Variants in NUDT3 observed in about 807,000 individuals in gnomAD.
The protein encoded by NUDT3 is diphosphoinositol polyphosphate phosphohydrolase 1.
Under a neutral mutation model 23.6 loss-of-function variants are expected in NUDT3, and 9 were observed. The ratio of observed to expected loss-of-function variants is 0.38; its 90% CI spans 0.23 to 0.66. The LOEUF (loss-of-function observed/expected upper bound fraction) is 0.66. Among genes scored for constraint, NUDT3 ranks in the 30% least tolerant of loss-of-function variants. NUDT3 has a pLI of 0.52. For missense variants in NUDT3, 172 were observed against 218.5 expected, an observed-to-expected ratio of 0.79 and a Z score of 1.34; for synonymous variants, 86 against 82.6, an observed-to-expected ratio of 1.04 and a Z score of -0.22.
chr6:34,357,201 G>A (rs968459915), intron 1 of NUDT3, among the ~76,000 whole-genome samples: 4 of 152,148 alleles, frequency 2.6e-5, no homozygotes, highest in Non-Finnish European at 4.4e-5. Flanking sequence ...GAGTGATTAC[G>A]AATATACATC....
chr6:34,358,859 C>A (rs1370610801), intron 1 of NUDT3, among the ~76,000 whole-genome samples: 1 of 152,108 alleles, frequency 6.6e-6, no homozygotes, highest in African/African-American at 2.4e-5. Context: ...AGGAATAATA[C>A]AGTAACTATA....
At chr6:34,302,715 G>C (rs1003286301) in intron 2 of NUDT3, among the ~76,000 whole-genome samples, 1 of 152,206 alleles carries the variant, frequency 6.6e-6, no homozygotes, top group African/African-American at 2.4e-5. Flanking sequence ...CTGGGTGACA[G>C]AGCGAGAGAC....
chr6:34,308,154 A>C, intron 2 of NUDT3, among the ~76,000 whole-genome samples: 1 of 92,542 alleles, frequency 1.1e-5, no homozygotes, highest in African/African-American at 3.7e-5. Context: ...AAAAAAAAAA[A>C]AAAAAAAAAA....
intron 1 of NUDT3, among the ~76,000 whole-genome samples, chr6:34,347,758 A>G (rs1352144424): frequency 6.6e-6 from 1 of 152,148 alleles, no homozygotes. Flanking sequence ...GGAACTGAGT[A>G]TCTAGTGAAA....
chr6:34,376,311 A>G (rs59680902), intron 1 of NUDT3, among the ~76,000 whole-genome samples: 1,767 of 152,018 alleles, frequency 0.012, 46 homozygotes, highest in African/African-American at 0.041. Flanking sequence ...CAGTGGCACT[A>G]TCATGCCACT....
In NUDT3 at chr6:34,289,069, TC is replaced by T. The variant is rs1398830021; in HGVS notation, c.341-139del. 6.6e-6 allele frequency: 7 copies of T among 1,067,996 alleles called. No homozygotes were observed. The East Asian group carries it at 1.7e-4, about 26-fold the overall frequency. The allele number at this position is 1,067,996 out of a possible 1,614,324, so 66.2% of individuals were successfully genotyped here. On this transcript the variant is annotated intron_variant, in intron 4 of 4. Transcript: ENST00000607016. ...CTTACAAAAATAACTCAAGCACACT[TC>T]ATATGCTTCAAATATTATATCAATG...
chr6:34,330,181 G>C (rs1764106763), intron 2 of NUDT3, among the ~76,000 whole-genome samples: 1 of 152,194 alleles, frequency 6.6e-6, no homozygotes, highest in African/African-American at 2.4e-5. Context: ...GGGATGGCTG[G>C]ATCAAATGGT....
rs750749654 is a variant in NUDT3, at chr6:34,288,767, A to T, written c.505T>A (p.Ser169Thr). 6.2e-7 allele frequency: 1 copy of T among 1,610,098 alleles called. No individual in the cohort carries two copies. Among genetic ancestry groups the T allele is most frequent in the Non-Finnish European group, 8.5e-7 (1 of 1,178,880 alleles). ...TYSVSAQSSM[S>T]GIR ...GAAGTCTTCAGTCATCTGATGCCTG[A>T]CATCGAGCTCTGAGCAGAAACCGAG... Residue 169 changes from serine (S) to threonine (T), a missense_variant, in exon 5 of 5, where the codon TCA (serine) becomes ACA (threonine). Ser to Thr is a moderately conservative substitution (Grantham distance 58). This residue lies in a region of NUDT3 where 63 missense variants were observed against 64.9 expected (regional missense o/e 0.97). Transcript: ENST00000607016.
chr6:34,366,051 T>A (rs559689554), intron 1 of NUDT3, among the ~76,000 whole-genome samples: 58 of 150,388 alleles, frequency 3.9e-4, no homozygotes, highest in East Asian at 2.6e-3. Flanking sequence ...AAAAAATATA[T>A]ATAAATAAAT....
At chr6:34,363,995 T>C (rs1435024808) in intron 1 of NUDT3, among the ~76,000 whole-genome samples, 1 of 151,706 alleles carries the variant, frequency 6.6e-6, no homozygotes, top group African/African-American at 2.4e-5. Flanking sequence ...CAACGTCTGT[T>C]TCTCCTCTAT....
intron 2 of NUDT3, among the ~76,000 whole-genome samples, chr6:34,305,476 T>C (rs1314526603): frequency 6.6e-6 from 1 of 152,240 alleles, no homozygotes; most frequent in Admixed American, 6.5e-5. Flanking sequence ...CAGAAGTTTA[T>C]CTATTTTATT....
At position 34,361,050 on chromosome 6, in the gene NUDT3, C is replaced by T. The variant is rs561937775; in HGVS notation, c.100-19078G>A. 6.4e-4 allele frequency among the ~76,000 whole-genome samples: 98 copies of T among 152,104 alleles called. 2 individuals carry two copies. Among genetic ancestry groups the T allele is most frequent in the Admixed American group, 5.2e-4 (8 of 15,262 alleles). ...TCACTCTGGGCAACATAGCAAGACCCCATTTCTATAAAAAATTTTAAAAAT... is the reference window on the plus strand; with the variant it reads ...TCACTCTGGGCAACATAGCAAGACCTCATTTCTATAAAAAATTTTAAAAAT... On this transcript the variant is annotated intron_variant, in intron 1 of 4. Coordinates refer to ENST00000607016, the MANE Select transcript of NUDT3 (RefSeq NM_006703.4).
chr6:34,322,391 A>G (rs1336624306), intron 2 of NUDT3, among the ~76,000 whole-genome samples: 2 of 152,076 alleles, frequency 1.3e-5, no homozygotes, highest in African/African-American at 2.4e-5. Flanking sequence ...CACCACGCAC[A>G]GCTAATTTTT....
intron 2 of NUDT3, among the ~76,000 whole-genome samples, chr6:34,298,780 T>C (rs560428137): frequency 6.6e-6 from 1 of 152,332 alleles, no homozygotes; most frequent in African/African-American, 2.4e-5. Context: ...AGCCTTTCTT[T>C]CATAATATTT....
chr6:34,391,430 C>G (rs2113775896), intron 1 of NUDT3, among the ~76,000 whole-genome samples: 1 of 152,278 alleles, frequency 6.6e-6, no homozygotes, highest in African/African-American at 2.4e-5. Context: ...TTCATCACCA[C>G]AGAAACGGCT....
chr6:34,389,828 G>T (rs1449310765), intron 1 of NUDT3, among the ~76,000 whole-genome samples: 1 of 152,112 alleles, frequency 6.6e-6, no homozygotes, highest in Non-Finnish European at 1.5e-5. Context: ...GCCAGACGTG[G>T]TCGCGGGCAC....
At chr6:34,386,218 T>C (rs921362139) in intron 1 of NUDT3, among the ~76,000 whole-genome samples, 2 of 152,188 alleles carry the variant, frequency 1.3e-5, no homozygotes, top group African/African-American at 4.8e-5. Context: ...TATATCAGGT[T>C]CAAACTACTG....
chr6:34,366,771 C>T (rs1764741980), intron 1 of NUDT3, among the ~76,000 whole-genome samples: 2 of 151,952 alleles, frequency 1.3e-5, no homozygotes, highest in East Asian at 1.9e-4. Context: ...AAGATGAAAA[C>T]GTTCTTGAGA....
rs868131400 is a variant in NUDT3, at chr6:34,392,475, G to A, written c.-113C>T. On this transcript the variant is annotated 5_prime_UTR_variant, in exon 1 of 5. Transcript: ENST00000607016. ...CCGGCTCGGCCAAGGGAAGCAGGGA[G>A]GGGGAGCTTCTCCGCTACACGGCTC... is the stretch of plus-strand genomic sequence containing the variant. The A allele has an allele frequency of 2.8e-5, 19 of 674,128 alleles. No homozygotes were observed. Among genetic ancestry groups the A allele is most frequent in the African/African-American group, 2.3e-4 (12 of 52,562 alleles). The allele number at this position is 674,128 out of a possible 1,614,324, so 41.8% of individuals were successfully genotyped here. A position where few individuals can be genotyped will look rare whatever the true frequency, so the allele number is the denominator to read the frequency against.
Sources: allele counts gnomAD v4.1 joint callset (sites outside exome capture counted in the v4.1 genomes callset), GRCh38; gene constraint gnomAD v4.1.1; regional missense constraint gnomAD v4.1.1; transcripts MANE v1.5; gene names NCBI Gene and HGNC (gene_info 2026-07-23, HGNC 2026-07-21).